The following CNBD1 variants were observed in gnomAD, a reference collection of about 807,000 sequenced individuals.
CNBD1 encodes the protein cyclic nucleotide-binding domain-containing protein 1.
In CNBD1, 71 loss-of-function variants were observed where a neutral mutation model predicts 54.4. The observed-to-expected ratio is 1.30, with a 90% CI of 1.08 to 1.59. CNBD1 has a LOEUF of 1.59. Ranked by LOEUF, CNBD1 falls within the 40% of genes most tolerant of loss-of-function variation. CNBD1 has a pLI of 0.00. For missense variants in CNBD1, 659 were observed against 518.0 expected (o/e 1.27, Z -2.64); for synonymous variants, 182 against 170.7 (o/e 1.07, Z -0.51).
At chr8:87,341,388 T>C (rs899145825) in intron 8 of CNBD1, among the ~76,000 whole-genome samples, 7 of 152,166 alleles carry the variant, frequency 4.6e-5, no homozygotes, top group African/African-American at 1.7e-4. Context: ...TGTTTCAGTC[T>C]TTTTTTCCAT....
At chr8:86,991,190 C>T (rs1808738385) in intron 4 of CNBD1, among the ~76,000 whole-genome samples, 1 of 152,020 alleles carries the variant, frequency 6.6e-6, no homozygotes, top group African/African-American at 2.4e-5. Flanking sequence ...TATGTGATTG[C>T]TCTGTCTACG....
At chr8:87,325,817 T>G (rs1328319047) in intron 8 of CNBD1, among the ~76,000 whole-genome samples, 1 of 149,412 alleles carries the variant, frequency 6.7e-6, no homozygotes, top group Non-Finnish European at 1.5e-5. Flanking sequence ...AAAGTTTATA[T>G]TGTTATGTGT....
chr8:87,149,563 G>A (rs1354126961), intron 4 of CNBD1, among the ~76,000 whole-genome samples: 3 of 152,120 alleles, frequency 2.0e-5, no homozygotes, highest in Non-Finnish European at 4.4e-5. Flanking sequence ...CCCCTATCCT[G>A]ATTCAGTTGG....
At chr8:87,414,622 A>T (rs1200533471) in intron 2 of CNBD1, among the ~76,000 whole-genome samples, 1 of 152,050 alleles carries the variant, frequency 6.6e-6, no homozygotes, top group Non-Finnish European at 1.5e-5. Flanking sequence ...AACTTATATC[A>T]TGTAACATAT....
chr8:87,157,039 T>A (rs1438872627), intron 4 of CNBD1, among the ~76,000 whole-genome samples: 1 of 152,114 alleles, frequency 6.6e-6, no homozygotes, highest in Admixed American at 6.6e-5. Flanking sequence ...TTGAGGGAGT[T>A]ATTAGGATGC....
intron 5 of CNBD1, among the ~76,000 whole-genome samples, chr8:87,235,202 A>T (rs1451490628): frequency 6.6e-6 from 1 of 152,090 alleles, no homozygotes; most frequent in Non-Finnish European, 1.5e-5. Context: ...GACCAGTAAA[A>T]CTTTCTCAGT....
intron 5 of CNBD1, among the ~76,000 whole-genome samples, chr8:87,224,917 A>C (rs1227940121): frequency 2.0e-5 from 3 of 151,996 alleles, no homozygotes; most frequent in Non-Finnish European, 4.4e-5. Flanking sequence ...CTATTATTTC[A>C]TTGAGCAGTG....
chr8:87,342,051 A>C (rs1233299258), intron 8 of CNBD1, among the ~76,000 whole-genome samples: 4 of 152,154 alleles, frequency 2.6e-5, no homozygotes, highest in Non-Finnish European at 5.9e-5. Context: ...AGGCGGGCAG[A>C]TCACAAGGTC....
At chr8:86,871,850 A>G (rs1808447556) in intron 1 of CNBD1, among the ~76,000 whole-genome samples, 1 of 152,220 alleles carries the variant, frequency 6.6e-6, no homozygotes, top group Admixed American at 6.5e-5. Flanking sequence ...CAAGGTAGTG[A>G]GAGTCACATA....
intron 4 of CNBD1, among the ~76,000 whole-genome samples, chr8:87,003,360 T>G (rs937010023): frequency 6.6e-6 from 1 of 152,206 alleles, no homozygotes; most frequent in Non-Finnish European, 1.5e-5. Flanking sequence ...TATTAGAATA[T>G]GTGATTACTT....
At chr8:87,265,840 C>A (rs1482871369) in intron 6 of CNBD1, among the ~76,000 whole-genome samples, 1 of 152,038 alleles carries the variant, frequency 6.6e-6, no homozygotes, top group East Asian at 1.9e-4. Context: ...AATCACCTCT[C>A]TAAATGGAAA....
At chr8:87,132,680 TTA>T (rs886131068) in intron 4 of CNBD1, among the ~76,000 whole-genome samples, 1 of 147,570 alleles carries the variant, frequency 6.8e-6, no homozygotes, top group Non-Finnish European at 1.5e-5. Context: ...ATGATATATC[TTA>T]TATATATCAT....
At chr8:86,908,063 G>A (rs1344555066) in intron 3 of CNBD1, among the ~76,000 whole-genome samples, 2 of 152,192 alleles carry the variant, frequency 1.3e-5, no homozygotes, top group Non-Finnish European at 2.9e-5. Context: ...AGCTGGTGAT[G>A]CCAGGTCATT....
In CNBD1 at chr8:87,132,795, G is replaced by GTATA. The variant is rs1483614471; in HGVS notation, c.432-73197_432-73196insATAT. ...TATCATTCAATTTGCATATATATAT[G>GTATA]TGTATATATATACATATATATATAC... On this transcript the variant is annotated intron_variant, in intron 4 of 10. Coordinates refer to ENST00000518476, the MANE Select transcript of CNBD1 (RefSeq NM_173538.3). Among the ~76,000 whole-genome samples the GTATA allele has an allele frequency of 3.9e-3, 559 of 144,430 alleles. 3 individuals carry two copies. The highest frequency in any genetic ancestry group is 0.014 in the African/African-American group (530 of 38,268). The allele number at this position is 144,430 out of a possible 152,430, so 94.8% of individuals were successfully genotyped here.
intron 8 of CNBD1, among the ~76,000 whole-genome samples, chr8:87,347,740 G>T (rs1381896694): frequency 6.6e-6 from 1 of 152,108 alleles, no homozygotes; most frequent in East Asian, 1.9e-4. Context: ...ATCTGTAGAT[G>T]GCTCCATAGA....
At chr8:87,124,186 G>A (rs1468160953) in intron 4 of CNBD1, among the ~76,000 whole-genome samples, 1 of 151,532 alleles carries the variant, frequency 6.6e-6, no homozygotes. Context: ...ATATTTATAG[G>A]CAATTATTTC....
At chr8:87,380,303 C>A (rs192816063) in intron 10 of CNBD1, among the ~76,000 whole-genome samples, 2 of 151,806 alleles carry the variant, frequency 1.3e-5, no homozygotes, top group East Asian at 1.9e-4. Context: ...ATTCTTGGCA[C>A]CCTTGTTGAA....
chr8:87,256,847 G>A (rs1468628577), intron 6 of CNBD1, among the ~76,000 whole-genome samples: 1 of 151,494 alleles, frequency 6.6e-6, no homozygotes, highest in Non-Finnish European at 1.5e-5. Flanking sequence ...ATGAATCCAA[G>A]GTTCAAGGTT....
chr8:87,230,520 G>A (rs1814660839), intron 5 of CNBD1, among the ~76,000 whole-genome samples: 1 of 152,090 alleles, frequency 6.6e-6, no homozygotes, highest in South Asian at 2.1e-4. Context: ...TCCTTCAGAT[G>A]TTAGAACACA....
Sources: allele counts gnomAD v4.1 joint callset (sites outside exome capture counted in the v4.1 genomes callset), GRCh38; gene constraint gnomAD v4.1.1; transcripts MANE v1.5; gene names NCBI Gene and HGNC (gene_info 2026-07-23, HGNC 2026-07-21).